The following RAB6A variants were observed in gnomAD, a reference collection of about 807,000 sequenced individuals.
RAB6A encodes ras-related protein Rab-6A.
RAB6A carries 8 observed loss-of-function variants against 32.3 expected under a neutral mutation model. The ratio of observed to expected loss-of-function variants is 0.25; its 90% CI spans 0.15 to 0.45. The LOEUF is 0.45. Ranked by LOEUF, RAB6A falls within the 20% of genes least tolerant of loss-of-function variation. The pLI is 1.00. For missense variants in RAB6A, 104 were observed against 249.4 expected, an observed-to-expected ratio of 0.42 and a Z score of 3.93; for synonymous variants, 73 against 82.1, an observed-to-expected ratio of 0.89 and a Z score of 0.60.
At chr11:73,722,343 ATTTTTTTTTTTT>A (rs537309131) in intron 2 of RAB6A, 74 of 15,298 alleles carry the variant, frequency 4.8e-3, no homozygotes, top group Non-Finnish European at 7.0e-3. Flanking sequence ...ATATATATAT[ATTTTTTTTTTTT>A]TTTTTTTTTT....
At chr11:73,709,869 A>G (rs1945916707) in intron 5 of RAB6A, among the ~76,000 whole-genome samples, 1 of 138,882 alleles carries the variant, frequency 7.2e-6, no homozygotes, top group African/African-American at 2.6e-5. Context: ...ACATATATAC[A>G]CATATACATA....
At chr11:73,690,697 T>TA (rs34099966) in intron 6 of RAB6A, among the ~76,000 whole-genome samples, 3,066 of 117,870 alleles carry the variant, frequency 0.026, 111 homozygotes, top group African/African-American at 0.086. Flanking sequence ...TGTAACATCT[T>TA]AAAAAAAAAA....
At chr11:73,723,281 TG>T (rs4019418) in intron 2 of RAB6A, among the ~76,000 whole-genome samples, 1 of 151,434 alleles carries the variant, frequency 6.6e-6, no homozygotes, top group East Asian at 1.9e-4. Context: ...TTCCAAATAC[TG>T]GGGGGGAAAA....
intron 3 of RAB6A, among the ~76,000 whole-genome samples, chr11:73,719,353 C>T (rs1037323294): frequency 1.3e-5 from 2 of 152,224 alleles, no homozygotes; most frequent in African/African-American, 4.8e-5. Context: ...TGTCTCTTTC[C>T]TATTGGGTCT....
At chr11:73,686,220 T>C (rs1358776098) in intron 6 of RAB6A, among the ~76,000 whole-genome samples, 1 of 152,218 alleles carries the variant, frequency 6.6e-6, no homozygotes, top group Admixed American at 6.5e-5. Context: ...TTTATTAAAC[T>C]GCTTGCCTAT....
At chr11:73,708,271 C>G (rs188751725) in intron 5 of RAB6A, among the ~76,000 whole-genome samples, 4 of 152,096 alleles carry the variant, frequency 2.6e-5, no homozygotes, top group Non-Finnish European at 5.9e-5. Flanking sequence ...TGGGTTCAAG[C>G]GATTCTCCTG....
At chr11:73,739,419 G>A (rs1465566448) in intron 1 of RAB6A, among the ~76,000 whole-genome samples, 2 of 148,802 alleles carry the variant, frequency 1.3e-5, no homozygotes, top group African/African-American at 2.5e-5. Context: ...TGATCTTCCC[G>A]CCTCAGCCTC....
chr11:73,737,796 C>T (rs989073775), intron 1 of RAB6A, among the ~76,000 whole-genome samples: 2 of 151,810 alleles, frequency 1.3e-5, no homozygotes, highest in Admixed American at 6.6e-5. Flanking sequence ...AGTTCAAGAC[C>T]AGCCTGGCCA....
chr11:73,751,693 G>C (rs1004677842), intron 1 of RAB6A, among the ~76,000 whole-genome samples: 17 of 152,190 alleles, frequency 1.1e-4, no homozygotes, highest in African/African-American at 3.9e-4. Context: ...CTGAGGGATA[G>C]AGTACAAACA....
At chr11:73,715,471 T>C (rs1009369017) in intron 5 of RAB6A, among the ~76,000 whole-genome samples, 23 of 152,226 alleles carry the variant, frequency 1.5e-4, no homozygotes, top group African/African-American at 4.3e-4. Context: ...ATGGGCTTCA[T>C]ATCTCCACAA....
intron 2 of RAB6A, among the ~76,000 whole-genome samples, chr11:73,721,598 AAC>A (rs905337854): frequency 6.6e-6 from 1 of 152,200 alleles, no homozygotes; most frequent in African/African-American, 2.4e-5. Flanking sequence ...CAAGTTAAAA[AAC>A]AGTCCAGTAT....
intron 1 of RAB6A, among the ~76,000 whole-genome samples, chr11:73,748,577 A>T (rs184987705): frequency 3.8e-4 from 58 of 152,320 alleles, no homozygotes; most frequent in African/African-American, 1.1e-3. Context: ...TATATAGATG[A>T]AAAAAGATTA....
intron 1 of RAB6A, among the ~76,000 whole-genome samples, chr11:73,747,445 C>T (rs962178378): frequency 4.6e-5 from 6 of 130,150 alleles, no homozygotes; most frequent in South Asian, 2.6e-4. Flanking sequence ...AACCCCCCCC[C>T]GCCCCGCCCC....
intron 4 of RAB6A, 42 bp from the exon 5 acceptor site, chr11:73,716,404 A>G (rs1946053644): frequency 6.7e-7 from 1 of 1,496,598 alleles, no homozygotes; most frequent in Non-Finnish European, 9.3e-7. Flanking sequence ...GTTGCTGAAA[A>G]ATGCCTCCCC....
At chr11:73,704,693 A>T (rs1228211480) in intron 6 of RAB6A, among the ~76,000 whole-genome samples, 1 of 150,080 alleles carries the variant, frequency 6.7e-6, no homozygotes. Flanking sequence ...CAAAAAAAAT[A>T]AATAAATAAA....
chr11:73,692,673 G>A (rs1945589207), intron 6 of RAB6A, among the ~76,000 whole-genome samples: 2 of 151,308 alleles, frequency 1.3e-5, no homozygotes, highest in South Asian at 2.1e-4. Context: ...AATGCCTGCC[G>A]GGCGCGGTGG....
chr11:73,718,548 G>A, intron 4 of RAB6A, 65 bp downstream of exon 4: 1 of 1,325,826 alleles, frequency 7.5e-7, no homozygotes. Flanking sequence ...CACAAGACAA[G>A]AACATGCATG....
chr11:73,759,466 C>T (rs1031290172), intron 1 of RAB6A, among the ~76,000 whole-genome samples: 4 of 151,996 alleles, frequency 2.6e-5, no homozygotes, highest in Non-Finnish European at 4.4e-5. Context: ...TCAGACAGTA[C>T]AGAATATTAA....
At chr11:73,710,132 G>T (rs1945927873) in intron 5 of RAB6A, among the ~76,000 whole-genome samples, 1 of 31,230 alleles carries the variant, frequency 3.2e-5, no homozygotes. Context: ...CTAATTTTTT[G>T]TGTTTTTTTT....
Sources: allele counts gnomAD v4.1 joint callset (sites outside exome capture counted in the v4.1 genomes callset), GRCh38; gene constraint gnomAD v4.1.1; transcripts MANE v1.5; gene names NCBI Gene and HGNC (gene_info 2026-07-23, HGNC 2026-07-21).